ZNF786: variants seen among roughly 807,000 people sequenced by gnomAD.
ZNF786 encodes the protein zinc finger protein 786.
Under a neutral mutation model 63.1 loss-of-function variants are expected in ZNF786, and 56 were observed. That is an observed-to-expected ratio of 0.89 (90% CI 0.72 to 1.11). The LOEUF is 1.11. ZNF786 is among the 50% of genes least tolerant of loss of function. The pLI is 0.00. For missense variants in ZNF786, 1,213 were observed against 1,041.8 expected (o/e 1.16, Z -2.26); for synonymous variants, 485 against 406.9 (o/e 1.19, Z -2.31).
chr7:149,088,638 G>T (rs1825775451), intron 1 of ZNF786, among the ~76,000 whole-genome samples: 1 of 152,146 alleles, frequency 6.6e-6, no homozygotes, highest in Admixed American at 6.6e-5. Flanking sequence ...GAGTTACAGA[G>T]AAAACTATAA....
chr7:149,071,312 C>T lies in ZNF786; in HGVS notation c.1460G>A (p.Gly487Glu), dbSNP rs1825409964. The part of the protein sequence containing the change: ...DEKPFQCPEC[G>E]LSFRLESMLR... ...CATGCTCTCCAGGCGGAAGCTCAGC[C>T]CACACTCTGGGCACTGAAAGGGCTT... is the stretch of plus-strand genomic sequence containing the variant. The change falls in exon 4 of 4, where the codon GGG (glycine) becomes GAG (glutamate). Residue 487 changes from glycine to glutamate, a missense_variant. By Grantham distance (98) the Gly-to-Glu change is moderately conservative. Transcript: ENST00000491431. 1 of 1,611,734 alleles carries T rather than the reference C, an allele frequency of 6.2e-7. No homozygotes were observed. The highest frequency in any genetic ancestry group is 1.1e-5 in the South Asian group (1 of 90,990).
At chr7:149,081,045 T>C (rs1161600578) in intron 1 of ZNF786, 1 of 466,878 alleles carries the variant, frequency 2.1e-6, no homozygotes, top group African/African-American at 2.0e-5. Context: ...GTCAATAATA[T>C]ATATTGAGGC....
chr7:149,070,702 C>T lies in ZNF786; in HGVS notation c.2070G>A (p.Gln690=). 6.2e-7 allele frequency: 1 copy of T among 1,613,938 alleles called. No individual in the cohort carries two copies. The highest frequency in any genetic ancestry group is 8.5e-7 in the Non-Finnish European group (1 of 1,179,922). Residue 690 remains glutamine, a synonymous_variant, in exon 4 of 4, where the codon CAG becomes CAA. Transcript: ENST00000491431. ...KCDKSFRLKA[Q]LLSHQGLHTG... ...TGTGCAGGCCCTGATGGCTGAGCAG[C>T]TGCGCCTTCAGGCGGAAACTCTTGT...
chr7:149,089,839 G>A (rs1037226022), intron 1 of ZNF786, among the ~76,000 whole-genome samples: 5 of 151,812 alleles, frequency 3.3e-5, no homozygotes, highest in African/African-American at 4.8e-5. Flanking sequence ...TGAGCCTCCC[G>A]AGTAGCTGGG....
chr7:149,090,609 G>T lies in ZNF786; in HGVS notation c.18+14C>A. 6.3e-7 allele frequency: 1 copy of T among 1,587,578 alleles called. No homozygotes were observed. Among genetic ancestry groups the T allele is most frequent in the Non-Finnish European group, 8.6e-7 (1 of 1,165,240 alleles). ...ACCCCGAAACCGGGCGTCCAAACAG[G>T]CTAGCCCGCTTACCCGAGGCGGCTC... On this transcript the variant is annotated intron_variant, in intron 1 of 3. Transcript: ENST00000491431.
At position 149,071,267 on chromosome 7, in the gene ZNF786, C is replaced by A. The variant is rs948419285; in HGVS notation, c.1505G>T (p.Arg502Leu). The A allele has an allele frequency of 1.2e-6, 2 of 1,608,828 alleles. No individual in the cohort carries two copies. Among genetic ancestry groups the A allele is most frequent in the Non-Finnish European group, 1.7e-6 (2 of 1,178,170 alleles). ...GGAGAACGGCCTCTCCCCACCGTGC[C>A]GGAGCCGGTGGGCTCTCAGCATGCT... ...LESMLRAHRL[R>L]HGGERPFSCS... Residue 502 changes from arginine to leucine, a missense_variant, in exon 4 of 4, where the codon CGG becomes CTG. Physicochemically the swap from Arg to Leu is moderately radical, Grantham distance 102. Transcript: ENST00000491431.
intron 1 of ZNF786, among the ~76,000 whole-genome samples, chr7:149,088,795 T>C (rs1484947248): frequency 6.6e-6 from 1 of 152,202 alleles, no homozygotes; most frequent in Non-Finnish European, 1.5e-5. Context: ...CTCCTTCCTT[T>C]GTAAAGGCAA....
At chr7:149,072,749 G>C (rs1384159870) in intron 3 of ZNF786, among the ~76,000 whole-genome samples, 2 of 152,196 alleles carry the variant, frequency 1.3e-5, no homozygotes, top group Non-Finnish European at 2.9e-5. Flanking sequence ...GCCTAGTTTT[G>C]AATCCTATCT....
intron 1 of ZNF786, 76 bp downstream of exon 1, chr7:149,090,547 G>C: frequency 7.0e-7 from 1 of 1,428,288 alleles, no homozygotes; most frequent in South Asian, 1.5e-5. Context: ...GGGGACCCCA[G>C]GACACGGGCG....
chr7:149,086,105 C>T (rs1825731690), intron 1 of ZNF786, among the ~76,000 whole-genome samples: 1 of 152,210 alleles, frequency 6.6e-6, no homozygotes, highest in Admixed American at 6.5e-5. Context: ...CTGGCTAGGA[C>T]TTCCCATCTT....
chr7:149,071,417 G>A lies in ZNF786; in HGVS notation c.1355C>T (p.Pro452Leu), dbSNP rs1332153636. 21 of 1,613,236 alleles carry A rather than the reference G, an allele frequency of 1.3e-5. No homozygotes were observed. The highest frequency in any genetic ancestry group is 2.2e-5 in the East Asian group (1 of 44,828). Residue 452 changes from proline (P) to leucine (L), a missense_variant, in exon 4 of 4, where the codon CCT (proline) becomes CTT (leucine). Pro to Leu is a moderately conservative substitution (Grantham distance 98). Coordinates refer to ENST00000491431, the MANE Select transcript of ZNF786 (RefSeq NM_152411.4). ...CCTGCCACACTTGGCACACCGGAAA[G>A]GCTTCTCTCCGCTGTGGACTCGAAT... ...EHIRVHSGEK[P>L]FRCAKCGRNF...
In ZNF786 at chr7:149,072,975, G is replaced by A. The variant is rs546457065; in HGVS notation, c.299-502C>T. On this transcript the variant is annotated intron_variant, in intron 3 of 3. Transcript: ENST00000491431. ...CCAGTGTATCGCATTCTGATGTACAGACACACCTGGAGTCCCGAGCTGGAG... is the reference window on the plus strand; with the variant it reads ...CCAGTGTATCGCATTCTGATGTACAAACACACCTGGAGTCCCGAGCTGGAG... Among the ~76,000 whole-genome samples, 24 of 152,288 alleles carry A rather than the reference G, an allele frequency of 1.6e-4. No homozygotes were observed. The South Asian group carries it at 4.1e-3, about 26-fold the overall frequency.
intron 1 of ZNF786, among the ~76,000 whole-genome samples, chr7:149,081,917 C>G (rs1365165759): frequency 6.6e-6 from 1 of 152,128 alleles, no homozygotes; most frequent in African/African-American, 2.4e-5. Flanking sequence ...TCTCAGGTAA[C>G]AAAATTAATG....
Position 149,081,414 on chromosome 7 carries a change from C to T in ZNF786, c.19-697G>A, listed in dbSNP as rs570555742. ...TCGCGCCACCGCACTACAGCCTGGGCGACAGAGCAAGACTCGGTCTCAAAA... is the reference window on the plus strand; with the variant it reads ...TCGCGCCACCGCACTACAGCCTGGGTGACAGAGCAAGACTCGGTCTCAAAA... On this transcript the variant is annotated intron_variant, in intron 1 of 3. Transcript: ENST00000491431. Among the ~76,000 whole-genome samples, 285 of 116,358 alleles carry T rather than the reference C, an allele frequency of 2.4e-3. 2 individuals carry two copies. The highest frequency in any genetic ancestry group is 7.6e-3 in the Admixed American group (59 of 7,794). The allele number at this position is 116,358 out of a possible 152,430, so 76.3% of individuals were successfully genotyped here. A position where few individuals can be genotyped will look rare whatever the true frequency, so the allele number is the denominator to read the frequency against.
chr7:149,072,439 T>C lies in ZNF786; in HGVS notation c.333A>G (p.Lys111=), dbSNP rs755319687. Residue 111 remains lysine, a synonymous_variant, in exon 4 of 4, where the codon AAA becomes AAG. Transcript: ENST00000491431. ...SQQAMNSGKT[K]SHFQLDPESQ... is the part of the protein sequence containing the mutation. ...TTTCAGGATCTAATTGGAAATGGCT[T>C]TTAGTTTTTCCTGAATTCATAGCCT... 7 of 1,601,458 alleles carry C rather than the reference T, an allele frequency of 4.4e-6. No homozygotes were observed. Among genetic ancestry groups the C allele is most frequent in the African/African-American group, 1.3e-5 (1 of 74,246 alleles).
At chr7:149,084,088 C>T (rs1010814408) in intron 1 of ZNF786, among the ~76,000 whole-genome samples, 4 of 152,054 alleles carry the variant, frequency 2.6e-5, no homozygotes, top group South Asian at 2.1e-4. Flanking sequence ...TGGCTGGGCG[C>T]GGTGGCTCAC....
chr7:149,073,726 T>TGTGTGC lies in ZNF786; in HGVS notation c.298+659_298+660insGCACAC, dbSNP rs1449082516. ...ACACGTGTGTGTGTATATGTGTGCG[T>TGTGTGC]GTGTGTGTGTGTGTGTGTGTGTATA... On this transcript the variant is annotated intron_variant, in intron 3 of 3. Coordinates refer to ENST00000491431, the MANE Select transcript of ZNF786 (RefSeq NM_152411.4). 8.2e-4 allele frequency among the ~76,000 whole-genome samples: 43 copies of TGTGTGC among 52,480 alleles called. 1 individual carries two copies. The highest frequency in any genetic ancestry group is 2.2e-3 in the South Asian group (3 of 1,348). The allele number at this position is 52,480 out of a possible 152,430, so 34.4% of individuals were successfully genotyped here. A position where few individuals can be genotyped will look rare whatever the true frequency, so the allele number is the denominator to read the frequency against.
chr7:149,075,578 A>G (rs897526863), intron 2 of ZNF786, among the ~76,000 whole-genome samples: 1 of 150,632 alleles, frequency 6.6e-6, no homozygotes, highest in Admixed American at 6.7e-5. Context: ...TTTCTGGCAC[A>G]TGGAGAAGGA....
intron 1 of ZNF786, among the ~76,000 whole-genome samples, chr7:149,083,880 CT>C (rs1467881715): frequency 6.6e-6 from 1 of 152,206 alleles, no homozygotes; most frequent in Non-Finnish European, 1.5e-5. Flanking sequence ...TTCTTTATGG[CT>C]GCATAGTATT....
Sources: allele counts gnomAD v4.1 joint callset (sites outside exome capture counted in the v4.1 genomes callset), GRCh38; gene constraint gnomAD v4.1.1; transcripts MANE v1.5; gene names NCBI Gene and HGNC (gene_info 2026-07-23, HGNC 2026-07-21).